The following THBS4 variants were observed in gnomAD, a reference collection of about 807,000 sequenced individuals.
THBS4 encodes the protein thrombospondin 4.
THBS4 carries 90 observed loss-of-function variants against 115.7 expected under a neutral mutation model. The ratio of observed to expected loss-of-function variants is 0.78; its 90% CI spans 0.66 to 0.93. The LOEUF is 0.93. THBS4 is among the 40% of genes least tolerant of loss of function. THBS4 has a pLI of 0.00. For missense variants in THBS4, 1,087 were observed against 1,232.7 expected (o/e 0.88, Z 1.77); for synonymous variants, 460 against 479.3 (o/e 0.96, Z 0.53).
At position 80,080,054 on chromosome 5, in the gene THBS4, C is replaced by T; in HGVS notation, c.2661C>T (p.His887=). The change falls in exon 20 of 22, where the codon CAC becomes CAT. Residue 887 remains histidine (H), a synonymous_variant. Transcript: ENST00000350881. ...TGTCCTACCGCTGGTTCCTACAGCA[C>T]AGGCCCCAGGTGGGCTACATCAGGT... is the stretch of plus-strand genomic sequence containing the variant. ...DKVSYRWFLQ[H]RPQVGYIRVR... 6.2e-7 allele frequency: 1 copy of T among 1,614,038 alleles called. No individual in the cohort carries two copies. The highest frequency in any genetic ancestry group is 8.5e-7 in the Non-Finnish European group (1 of 1,179,954).
chr5:80,067,903 C>T lies in THBS4; in HGVS notation c.1195-70C>T, dbSNP rs1464126160. 9 of 1,562,268 alleles carry T rather than the reference C, an allele frequency of 5.8e-6. No homozygotes were observed. The East Asian group carries it at 6.8e-5, about 12-fold the overall frequency. ...GTACCTGTGAAAATATACACAATAA[C>T]TGTACCTTTGCTCAAACTGTACCTT... On this transcript the variant is annotated intron_variant, in intron 9 of 21. Coordinates refer to ENST00000350881, the MANE Select transcript of THBS4 (RefSeq NM_003248.6).
chr5:80,000,413 C>G (rs1831875765), intron 2 of THBS4, among the ~76,000 whole-genome samples: 1 of 152,190 alleles, frequency 6.6e-6, no homozygotes, highest in African/African-American at 2.4e-5. Flanking sequence ...TGTGTCCTCT[C>G]TTTCCATTGC....
Position 80,065,434 on chromosome 5 carries a change from G to C in THBS4, c.1151G>C (p.Arg384Pro). The C allele has an allele frequency of 1.9e-6, 3 of 1,613,636 alleles. No homozygotes were observed. The highest frequency in any genetic ancestry group is 2.5e-6 in the Non-Finnish European group (3 of 1,179,884). Residue 384 changes from arginine to proline, a missense_variant, in exon 9 of 22, where the codon CGA (arginine) becomes CCA (proline). Around this residue, in one of 3 missense-constraint regions of THBS4, gnomAD observed 979 missense variants for 1,103.7 expected, o/e 0.89. Transcript: ENST00000350881. ...KQVCTDIDECRNGACVPNSIC... is the reference protein window; with the variant it reads ...KQVCTDIDECPNGACVPNSIC... Reference sequence around the variant, plus strand: ...GTCTGCACTGACATTGATGAGTGTCGAAATGGAGCGTGCGTTCCCAACTCG... The same window carrying C: ...GTCTGCACTGACATTGATGAGTGTCCAAATGGAGCGTGCGTTCCCAACTCG...
At chr5:80,029,649 C>A (rs1280842530) in intron 2 of THBS4, among the ~76,000 whole-genome samples, 1 of 152,076 alleles carries the variant, frequency 6.6e-6, no homozygotes, top group East Asian at 1.9e-4. Context: ...AAAATATCTT[C>A]TAAATTCTGG....
At chr5:80,001,215 G>A (rs1441184662) in intron 2 of THBS4, among the ~76,000 whole-genome samples, 2 of 152,188 alleles carry the variant, frequency 1.3e-5, no homozygotes, top group Non-Finnish European at 2.9e-5. Flanking sequence ...ACATCTAGAG[G>A]TGACTGTCAA....
chr5:80,009,455 A>G (rs140776517), intron 2 of THBS4, among the ~76,000 whole-genome samples: 2 of 152,372 alleles, frequency 1.3e-5, no homozygotes, highest in African/African-American at 4.8e-5. Flanking sequence ...TAATGTGGTT[A>G]TACATATTAT....
intron 2 of THBS4, among the ~76,000 whole-genome samples, chr5:80,053,764 C>A (rs998245234): frequency 6.6e-6 from 1 of 152,146 alleles, no homozygotes; most frequent in Non-Finnish European, 1.5e-5. Flanking sequence ...CAGGGTTTCA[C>A]CTTATTGGTC....
chr5:80,014,741 G>A (rs1832213838), intron 2 of THBS4, among the ~76,000 whole-genome samples: 1 of 152,198 alleles, frequency 6.6e-6, no homozygotes, highest in Non-Finnish European at 1.5e-5. Context: ...GAACTATGGA[G>A]TATACTTCTA....
intron 7 of THBS4, among the ~76,000 whole-genome samples, chr5:80,060,121 A>G (rs567444371): frequency 7.3e-5 from 11 of 151,546 alleles, no homozygotes; most frequent in Middle Eastern, 3.4e-3. Flanking sequence ...TGTGTTTCCA[A>G]CTCTTCTACT....
chr5:80,065,370 C>A, intron 8 of THBS4, 39 bp from the exon 9 acceptor site: 1 of 1,554,098 alleles, frequency 6.4e-7, no homozygotes, highest in Non-Finnish European at 8.8e-7. Flanking sequence ...ATTTAAGCAG[C>A]ATGTCTCGCT....
chr5:80,079,201 G>A lies in THBS4; in HGVS notation c.2454G>A (p.Gln818=), dbSNP rs1485954088. The change falls in exon 19 of 22, where the codon CAG becomes CAA. Residue 818 remains glutamine (Q), a synonymous_variant. Transcript: ENST00000350881. The part of the protein sequence containing the change: ...FYVVMWKQTE[Q]TYWQATPFRA... The stretch of plus-strand genomic sequence containing the variant: ...TGGTCATGTGGAAGCAGACGGAGCA[G>A]ACATATTGGCAAGCCACCCCATTCC... The A allele has an allele frequency of 2.5e-6, 4 of 1,614,096 alleles. No homozygotes were observed. Among genetic ancestry groups the A allele is most frequent in the African/African-American group, 1.3e-5 (1 of 74,944 alleles).
Position 80,083,096 on chromosome 5 carries a change from C to A in THBS4, c.2841C>A (p.Asp947Glu). 6.2e-7 allele frequency: 1 copy of A among 1,613,982 alleles called. No homozygotes were observed. The highest frequency in any genetic ancestry group is 2.2e-5 in the East Asian group (1 of 44,886). Residue 947 changes from aspartate (D) to glutamate (E), a missense_variant, in exon 22 of 22, where the codon GAC becomes GAA. By Grantham distance (45) the Asp-to-Glu change is conservative. This residue lies in a region of THBS4 where 103 missense variants were observed against 108.2 expected (regional missense o/e 0.95). Coordinates refer to ENST00000350881, the MANE Select transcript of THBS4 (RefSeq NM_003248.6). Reference sequence around the variant, plus strand: ...CTATTGCAGACACCATCCCTGAGGACTTCCAAGAGTTTCAAACCCAGAATT... The same window carrying A: ...CTATTGCAGACACCATCCCTGAGGAATTCCAAGAGTTTCAAACCCAGAATT... ...KYRCNDTIPE[D>E]FQEFQTQNFD...
chr5:80,040,369 G>A, intron 2 of THBS4, 89 bp downstream of exon 2: 2 of 950,034 alleles, frequency 2.1e-6, no homozygotes, highest in Non-Finnish European at 1.5e-6. Context: ...TGGTTTCCTT[G>A]TACAATTATA....
At chr5:80,039,135 G>T (rs987276650) in intron 1 of THBS4, among the ~76,000 whole-genome samples, 50 of 152,182 alleles carry the variant, frequency 3.3e-4, no homozygotes, top group African/African-American at 1.2e-3. Context: ...TTTATCAATT[G>T]TCAATATTAC....
chr5:80,035,532 G>C lies in THBS4; in HGVS notation c.-6G>C, dbSNP rs1207157147. 7.2e-7 allele frequency: 1 copy of C among 1,380,696 alleles called. No homozygotes were observed. Among genetic ancestry groups the C allele is most frequent in the Non-Finnish European group, 9.4e-7 (1 of 1,066,190 alleles). The allele number at this position is 1,380,696 out of a possible 1,614,324, so 85.5% of individuals were successfully genotyped here. ...CCCGGCCTCGCGGGGAGCAGGAAGA[G>C]CCAACATGCTGGCCCCGCGCGGAGC... On this transcript the variant is annotated 5_prime_UTR_variant, in exon 1 of 22. Transcript: ENST00000350881. This position sits in a 1 kb window ranked among gnomAD's most constrained non-coding sequence, Gnocchi z 4.6.
At chr5:79,993,741 A>G (rs1213072742) in intron 1 of THBS4, among the ~76,000 whole-genome samples, 1 of 152,212 alleles carries the variant, frequency 6.6e-6, no homozygotes, top group Admixed American at 6.5e-5. Context: ...CCACAGTGCA[A>G]GGTTTGTTAG....
At chr5:80,045,322 T>A (rs1453443225) in intron 2 of THBS4, among the ~76,000 whole-genome samples, 1 of 152,098 alleles carries the variant, frequency 6.6e-6, no homozygotes, top group Non-Finnish European at 1.5e-5. Flanking sequence ...ACCCAAAGTG[T>A]TTGCTGTAAT....
chr5:80,035,712 C>A lies in THBS4; in HGVS notation c.88+87C>A. 1 of 951,816 alleles carries A rather than the reference C, an allele frequency of 1.1e-6. No homozygotes were observed. Among genetic ancestry groups the A allele is most frequent in the Non-Finnish European group, 1.4e-6 (1 of 723,758 alleles). 59.0% of individuals were successfully genotyped at this position (951,816 alleles called of 1,614,324 possible). On this transcript the variant is annotated intron_variant, in intron 1 of 21. Transcript: ENST00000350881. The surrounding 1 kb of genome is among the most constrained non-coding windows in gnomAD (Gnocchi z 4.6). ...GTGGAGGGACTTGCTCGGCCCTGTG[C>A]TCCTGTGGCCTTGCTCAGCCCCTCT... is the stretch of plus-strand genomic sequence containing the variant.
At chr5:79,993,117 C>T (rs1024715780) in intron 1 of THBS4, among the ~76,000 whole-genome samples, 10 of 152,212 alleles carry the variant, frequency 6.6e-5, no homozygotes, top group Non-Finnish European at 1.2e-4. Flanking sequence ...CACAGTTACT[C>T]AGTTTGGCCT....
Sources: allele counts gnomAD v4.1 joint callset (sites outside exome capture counted in the v4.1 genomes callset), GRCh38; gene constraint gnomAD v4.1.1; regional missense constraint gnomAD v4.1.1; non-coding constraint Gnocchi (gnomAD v3.1); transcripts MANE v1.5; gene names NCBI Gene and HGNC (gene_info 2026-07-23, HGNC 2026-07-21).